Variants in ITGA9 observed in about 807,000 individuals in gnomAD.
ITGA9 encodes the protein integrin alpha-9.
Under a neutral mutation model 127.8 loss-of-function variants are expected in ITGA9, and 56 were observed. The ratio of observed to expected loss-of-function variants is 0.44; its 90% CI spans 0.35 to 0.55. The LOEUF is 0.55. ITGA9 is among the 20% of genes least tolerant of loss of function. ITGA9 has a pLI of 0.00. For synonymous variants in ITGA9, 508 were observed against 514.5 expected, an observed-to-expected ratio of 0.99 and a Z score of 0.17; for missense variants, 1,196 against 1,347.1, an observed-to-expected ratio of 0.89 and a Z score of 1.76.
intron 15 of ITGA9, among the ~76,000 whole-genome samples, chr3:37,621,302 A>T (rs889869344): frequency 2.0e-5 from 3 of 152,218 alleles, no homozygotes; most frequent in African/African-American, 7.2e-5. Context: ...AGTTTTGGGT[A>T]TGTCTTTATC....
At chr3:37,483,942 T>C (rs1356827890) in intron 4 of ITGA9, among the ~76,000 whole-genome samples, 1 of 152,236 alleles carries the variant, frequency 6.6e-6, no homozygotes, top group Non-Finnish European at 1.5e-5. Context: ...TGGTAATTAA[T>C]GGTAATTTCT....
At chr3:37,523,395 C>CTT (rs5848034) in intron 11 of ITGA9, 126 bp from the exon 12 acceptor site, 92 of 582,198 alleles carry the variant, frequency 1.6e-4, no homozygotes, top group African/African-American at 9.1e-4. Flanking sequence ...ATTAGGATTA[C>CTT]TTTTTTTTTT....
intron 15 of ITGA9, among the ~76,000 whole-genome samples, chr3:37,558,733 G>T (rs537328923): frequency 1.3e-5 from 2 of 152,136 alleles, no homozygotes; most frequent in African/African-American, 4.8e-5. Context: ...TGGGGCATCC[G>T]TTCTGAATAC....
At chr3:37,507,428 G>A (rs551051834) in intron 7 of ITGA9, among the ~76,000 whole-genome samples, 37 of 152,166 alleles carry the variant, frequency 2.4e-4, no homozygotes, top group African/African-American at 8.7e-4. Context: ...CAGAAAACAT[G>A]ATCCAGTTTT....
chr3:37,798,147 T>C (rs1382089365), intron 26 of ITGA9, among the ~76,000 whole-genome samples: 1 of 152,138 alleles, frequency 6.6e-6, no homozygotes, highest in Non-Finnish European at 1.5e-5. Context: ...CATGCCACCA[T>C]GCCCAGCTAA....
chr3:37,625,565 G>A (rs934980826), intron 15 of ITGA9, among the ~76,000 whole-genome samples: 1 of 152,148 alleles, frequency 6.6e-6, no homozygotes, highest in Non-Finnish European at 1.5e-5. Context: ...AGATGCTTTA[G>A]AACTGCAGAA....
At position 37,517,523 on chromosome 3, in the gene ITGA9, T is replaced by C. The variant is rs373673092; in HGVS notation, c.1055T>C (p.Leu352Pro). ...NRGNGALEEQ[L>P]ALTGDGAYNA... ...TCCCAGGGAGCCCTCGAGGAGCAGC[T>C]GGCTCTGACTGGGGATGGTGCCTAC... Residue 352 changes from leucine (L) to proline (P), a missense_variant, in exon 10 of 28, where the codon CTG becomes CCG. Transcript: ENST00000264741. 33 of 1,595,986 alleles carry C rather than the reference T, an allele frequency of 2.1e-5. 2 individuals are homozygous for C. In the Middle Eastern group the frequency reaches 6.6e-4, roughly 32 times the overall value.
At chr3:37,490,966 T>TCCCCCCCCCCCC (rs10624727) in intron 4 of ITGA9, among the ~76,000 whole-genome samples, 1 of 108,718 alleles carries the variant, frequency 9.2e-6, no homozygotes, top group African/African-American at 3.4e-5. Flanking sequence ...AGATTTGGCT[T>TCCCCCCCCCCCC]CCCCCCCGCT....
intron 18 of ITGA9, among the ~76,000 whole-genome samples, chr3:37,686,477 A>C (rs1455058722): frequency 6.6e-6 from 1 of 152,176 alleles, no homozygotes; most frequent in Admixed American, 6.5e-5. Flanking sequence ...AGCATGCTGG[A>C]CAAGGAGGCT....
At chr3:37,730,961 A>G (rs1696283637) in intron 18 of ITGA9, among the ~76,000 whole-genome samples, 1 of 152,188 alleles carries the variant, frequency 6.6e-6, no homozygotes, top group African/African-American at 2.4e-5. Context: ...GGATCTTAAG[A>G]TTTGAGACTT....
chr3:37,679,956 A>G (rs908796687), intron 17 of ITGA9, among the ~76,000 whole-genome samples: 1 of 150,562 alleles, frequency 6.6e-6, no homozygotes, highest in Non-Finnish European at 1.5e-5. Context: ...TGAAGGGTTG[A>G]TGGGGCACAT....
At chr3:37,804,536 C>T (rs1207916277) in intron 27 of ITGA9, among the ~76,000 whole-genome samples, 1 of 152,216 alleles carries the variant, frequency 6.6e-6, no homozygotes, top group African/African-American at 2.4e-5. Context: ...GCCTCACACT[C>T]TCCTTTCAGA....
chr3:37,628,217 G>A (rs905068890), intron 15 of ITGA9, among the ~76,000 whole-genome samples: 4 of 152,012 alleles, frequency 2.6e-5, no homozygotes, highest in Non-Finnish European at 4.4e-5. Context: ...CCTTTGACAC[G>A]TCTCAGACTT....
Position 37,750,480 on chromosome 3 carries a change from A to G in ITGA9, c.2452A>G (p.Ser818Gly). 2 of 1,612,552 alleles carry G rather than the reference A, an allele frequency of 1.2e-6. No homozygotes were observed. The highest frequency in any genetic ancestry group is 1.7e-6 in the Non-Finnish European group (2 of 1,178,654). ...ITLQVYNTGP[S>G]TLPGSSVSIS... ...CCCACAGGTCTACAACACTGGCCCA[A>G]GCACCCTTCCAGGGTCATCTGTCAG... is the stretch of plus-strand genomic sequence containing the variant. Residue 818 changes from serine to glycine, a missense_variant, in exon 23 of 28, where the codon AGC becomes GGC. By Grantham distance (56) the Ser-to-Gly change is moderately conservative. Transcript: ENST00000264741.
At chr3:37,805,628 A>G (rs1434401045) in intron 27 of ITGA9, among the ~76,000 whole-genome samples, 1 of 152,134 alleles carries the variant, frequency 6.6e-6, no homozygotes, top group African/African-American at 2.4e-5. Context: ...ATTGCCATCA[A>G]AAGGAGTGTA....
chr3:37,685,395 C>A (rs1229788207), intron 18 of ITGA9, among the ~76,000 whole-genome samples: 6 of 152,184 alleles, frequency 3.9e-5, no homozygotes, highest in Non-Finnish European at 7.3e-5. Context: ...TCAAGGACTG[C>A]AGGAGGGGTG....
chr3:37,464,248 A>G (rs1232523713), intron 1 of ITGA9, among the ~76,000 whole-genome samples: 2 of 144,862 alleles, frequency 1.4e-5, no homozygotes, highest in African/African-American at 2.5e-5. Flanking sequence ...CCTTTCCTTC[A>G]TGGCGTCCCA....
At chr3:37,563,305 T>C (rs541847032) in intron 15 of ITGA9, among the ~76,000 whole-genome samples, 6 of 152,198 alleles carry the variant, frequency 3.9e-5, no homozygotes, top group Non-Finnish European at 8.8e-5. Flanking sequence ...CTTGGTCACA[T>C]GAGATTGCCT....
intron 23 of ITGA9, among the ~76,000 whole-genome samples, chr3:37,757,004 T>C (rs1696660603): frequency 6.7e-6 from 1 of 149,310 alleles, no homozygotes; most frequent in African/African-American, 2.6e-5. Flanking sequence ...TCAAAACCAA[T>C]GGGATTTAGA....
Sources: allele counts gnomAD v4.1 joint callset (sites outside exome capture counted in the v4.1 genomes callset), GRCh38; gene constraint gnomAD v4.1.1; transcripts MANE v1.5; gene names NCBI Gene and HGNC (gene_info 2026-07-23, HGNC 2026-07-21).